The following STXBP6 variants were observed in gnomAD, a reference collection of about 807,000 sequenced individuals.
STXBP6 encodes the protein syntaxin-binding protein 6.
A neutral mutation model predicts 26.9 loss-of-function variants in STXBP6; 21 were observed. That is an observed-to-expected ratio of 0.78 (90% CI 0.55 to 1.12). The LOEUF (loss-of-function observed/expected upper bound fraction) is 1.12. STXBP6 is among the 50% of genes most tolerant of loss of function. The pLI is 0.00. For missense variants in STXBP6, 232 were observed against 257.9 expected, an observed-to-expected ratio of 0.90 and a Z score of 0.69; for synonymous variants, 97 against 92.6, an observed-to-expected ratio of 1.05 and a Z score of -0.27.
At chr14:24,936,801 A>C (rs1056285735) in intron 2 of STXBP6, among the ~76,000 whole-genome samples, 2 of 152,210 alleles carry the variant, frequency 1.3e-5, no homozygotes, top group African/African-American at 4.8e-5. Flanking sequence ...ATATACCCAA[A>C]GGATTAGAAA....
In STXBP6 at chr14:24,850,714, A is replaced by C. The variant is rs530055659; in HGVS notation, c.451+5222T>G. On this transcript the variant is annotated intron_variant, in intron 4 of 5. Transcript: ENST00000323944. ...GTAAGTCAAGCTGGTGAAGGTGCCTACTGTGTGACTGGATCTCCACAGCTA... is the reference window on the plus strand; with the variant it reads ...GTAAGTCAAGCTGGTGAAGGTGCCTCCTGTGTGACTGGATCTCCACAGCTA... 9.2e-5 allele frequency among the ~76,000 whole-genome samples: 14 copies of C among 152,108 alleles called. No homozygotes were observed. The East Asian group carries it at 1.9e-3, about 21-fold the overall frequency.
rs1339201020 is a variant in STXBP6, at chr14:24,809,934, C to T, written c.*2775G>A. 1.3e-5 allele frequency: 2 copies of T among 152,176 alleles called. No homozygotes were observed. The highest frequency in any genetic ancestry group is 4.8e-5 in the African/African-American group (2 of 41,450). 9.4% of individuals were successfully genotyped at this position (152,176 alleles called of 1,614,324 possible). ...ACAAAAGTAGTATTAAAACAGTTTT[C>T]ACTGTAACTTAAGTCTAACACGTAA... is the stretch of plus-strand genomic sequence containing the variant. On this transcript the variant is annotated 3_prime_UTR_variant, in exon 6 of 6. Transcript: ENST00000323944.
intron 4 of STXBP6, among the ~76,000 whole-genome samples, chr14:24,850,265 T>C (rs1422299359): frequency 3.3e-5 from 5 of 151,962 alleles, no homozygotes; most frequent in Admixed American, 2.0e-4. Context: ...AGTAAAGCCA[T>C]TGGGTTTCCT....
In STXBP6 at chr14:24,925,512, G is replaced by A. The variant is rs559520268; in HGVS notation, c.154+49153C>T. On this transcript the variant is annotated intron_variant, in intron 2 of 5. Transcript: ENST00000323944. ...CAAATAATGTGGCACTGCAATTGCA[G>A]CACGGGGAGGGAGGGAAGCCTCTGT... 4.2e-4 allele frequency among the ~76,000 whole-genome samples: 64 copies of A among 152,292 alleles called. 1 individual carries two copies. The highest frequency in any genetic ancestry group is 1.4e-3 in the African/African-American group (60 of 41,566).
chr14:24,894,605 G>A (rs1220835784), intron 2 of STXBP6, among the ~76,000 whole-genome samples: 1 of 152,074 alleles, frequency 6.6e-6, no homozygotes, highest in Non-Finnish European at 1.5e-5. Context: ...TTTTCTTTTG[G>A]CTATATTTAT....
chr14:24,946,733 T>C (rs1045397527), intron 2 of STXBP6, among the ~76,000 whole-genome samples: 1 of 152,214 alleles, frequency 6.6e-6, no homozygotes, highest in African/African-American at 2.4e-5. Flanking sequence ...GCAGAGGGCC[T>C]GGAGTCCTGA....
chr14:24,921,602 C>T (rs1159822449), intron 2 of STXBP6, among the ~76,000 whole-genome samples: 4 of 152,096 alleles, frequency 2.6e-5, no homozygotes. Flanking sequence ...ATTAAGATAA[C>T]AGGAGCTCAG....
At chr14:24,943,814 G>A (rs2072886955) in intron 2 of STXBP6, among the ~76,000 whole-genome samples, 1 of 152,152 alleles carries the variant, frequency 6.6e-6, no homozygotes, top group Non-Finnish European at 1.5e-5. Flanking sequence ...TGAACGGTAG[G>A]AGCTCTAGCT....
intron 1 of STXBP6, among the ~76,000 whole-genome samples, chr14:25,008,186 A>T (rs183165660): frequency 3.3e-4 from 51 of 152,340 alleles, no homozygotes; most frequent in African/African-American, 8.2e-4. Context: ...ATTCATTTTT[A>T]AAAATTTTTT....
At chr14:24,883,481 A>G (rs1223225111) in intron 2 of STXBP6, among the ~76,000 whole-genome samples, 1 of 152,198 alleles carries the variant, frequency 6.6e-6, no homozygotes, top group Non-Finnish European at 1.5e-5. Context: ...TATTGGTAAA[A>G]AATTGTATCA....
At chr14:24,920,009 C>T (rs2139804812) in intron 2 of STXBP6, among the ~76,000 whole-genome samples, 2 of 152,110 alleles carry the variant, frequency 1.3e-5, no homozygotes, top group South Asian at 4.2e-4. Flanking sequence ...TAAAATTTAG[C>T]TTTCCAGAGG....
chr14:24,819,029 T>C lies in STXBP6; in HGVS notation c.609+8A>G. On this transcript the variant is annotated splice_region_variant and intron_variant, in intron 5 of 5. Coordinates refer to ENST00000323944, the MANE Select transcript of STXBP6 (RefSeq NM_001394410.1). ...AGAGCTGAGAAGCCTGCTCCTCTCTTGGCCCACCTTGTGCGCAGTTTCTGC... is the reference window on the plus strand; with the variant it reads ...AGAGCTGAGAAGCCTGCTCCTCTCTCGGCCCACCTTGTGCGCAGTTTCTGC... The C allele has an allele frequency of 6.4e-7, 1 of 1,571,130 alleles. No homozygotes were observed. Among genetic ancestry groups the C allele is most frequent in the Non-Finnish European group, 8.7e-7 (1 of 1,155,602 alleles).
intron 1 of STXBP6, among the ~76,000 whole-genome samples, chr14:25,031,559 T>A (rs1156878363): frequency 6.6e-6 from 1 of 152,224 alleles, no homozygotes; most frequent in African/African-American, 2.4e-5. Context: ...TAAAAGCTTT[T>A]TAAAACATCA....
At chr14:25,026,907 C>T (rs145422761) in intron 1 of STXBP6, among the ~76,000 whole-genome samples, 1 of 152,178 alleles carries the variant, frequency 6.6e-6, no homozygotes, top group African/African-American at 2.4e-5. Context: ...CATGGAACCA[C>T]CAGGTGAGAA....
rs184910749 is a variant in STXBP6, at chr14:24,839,506, G to A, written c.451+16430C>T. Among the ~76,000 whole-genome samples the A allele has an allele frequency of 5.0e-4, 71 of 141,630 alleles. 2 individuals carry two copies. The South Asian group carries it at 8.7e-3, about 17-fold the overall frequency. 92.9% of individuals were successfully genotyped at this position (141,630 alleles called of 152,430 possible). On this transcript the variant is annotated intron_variant, in intron 4 of 5. Coordinates refer to ENST00000323944, the MANE Select transcript of STXBP6 (RefSeq NM_001394410.1). ...TGAGCAACAGGACATTATACCCTAC[G>A]TCTTGAAAAAAAATTTAGTCAAATT...
chr14:24,851,195 C>T (rs533523011), intron 4 of STXBP6, among the ~76,000 whole-genome samples: 1 of 151,618 alleles, frequency 6.6e-6, no homozygotes, highest in Non-Finnish European at 1.5e-5. Context: ...ATATGGCATA[C>T]CCGTTAATCT....
intron 2 of STXBP6, among the ~76,000 whole-genome samples, chr14:24,940,219 A>G (rs1319550290): frequency 6.6e-6 from 1 of 152,216 alleles, no homozygotes; most frequent in Non-Finnish European, 1.5e-5. Context: ...TTCCCAGTAT[A>G]AGGTATCGTG....
chr14:24,916,442 C>A (rs1214359404), intron 2 of STXBP6, among the ~76,000 whole-genome samples: 1 of 152,092 alleles, frequency 6.6e-6, no homozygotes, highest in Admixed American at 6.6e-5. Flanking sequence ...TAAATTTGGT[C>A]TTTGCAACTG....
chr14:24,988,371 T>C (rs956236771), intron 1 of STXBP6, among the ~76,000 whole-genome samples: 3 of 152,072 alleles, frequency 2.0e-5, no homozygotes, highest in Non-Finnish European at 2.9e-5. Flanking sequence ...AATTGTCTCG[T>C]TGAGGAGAAA....
Sources: allele counts gnomAD v4.1 joint callset (sites outside exome capture counted in the v4.1 genomes callset), GRCh38; gene constraint gnomAD v4.1.1; transcripts MANE v1.5; gene names NCBI Gene and HGNC (gene_info 2026-07-23, HGNC 2026-07-21).